Variants in GNAI2 observed in about 807,000 individuals in gnomAD.
GNAI2 encodes the protein G protein subunit alpha i2.
In GNAI2, 4 loss-of-function variants were observed where a neutral mutation model predicts 36.8. The observed-to-expected ratio is 0.11, with a 90% CI of 0.05 to 0.25. The LOEUF is 0.25. Among genes scored for constraint, GNAI2 ranks in the 10% least tolerant of loss-of-function variants. The probability of loss-of-function intolerance (pLI) is 1.00; values close to 1 mark genes in which losing one functional copy is unlikely to be tolerated. For missense variants in GNAI2, 230 were observed against 481.3 expected, an observed-to-expected ratio of 0.48 and a Z score of 4.89; for synonymous variants, 194 against 194.1, an observed-to-expected ratio of 1.00 and a Z score of 0.01.
chr3:50,248,560 C>T (rs1553702018), intron 1 of GNAI2, among the ~76,000 whole-genome samples: 1 of 152,144 alleles, frequency 6.6e-6, no homozygotes, highest in East Asian at 1.9e-4. Context: ...TGGGCTGTGC[C>T]CCTGCCTCTG....
chr3:50,251,667 C>T (rs1553702477), intron 1 of GNAI2: 1 of 1,342,248 alleles, frequency 7.5e-7, no homozygotes, highest in East Asian at 4.6e-5. Flanking sequence ...GGCTGCTACC[C>T]TGTTGGATGG....
chr3:50,257,452 G>A, intron 7 of GNAI2, 48 bp from the exon 8 acceptor site: 1 of 1,352,284 alleles, frequency 7.4e-7, no homozygotes, highest in Non-Finnish European at 1.0e-6. Context: ...GTAGGATGCG[G>A]CCTGCCTGCC....
In GNAI2 at chr3:50,241,365, G is replaced by A. The variant is rs148098406; in HGVS notation, c.118+4912G>A. On this transcript the variant is annotated intron_variant, in intron 1 of 8. Transcript: ENST00000313601. The surrounding 1 kb of genome is among the most constrained non-coding windows in gnomAD (Gnocchi z 5.0). The stretch of plus-strand genomic sequence containing the variant: ...TGTCGGGGCTTTGTCTGCAGGAGCA[G>A]GCAGGGATAGAGCTCCCACACTAAG... 1.3e-5 allele frequency among the ~76,000 whole-genome samples: 2 copies of A among 152,352 alleles called. No individual in the cohort carries two copies. The highest frequency in any genetic ancestry group is 2.9e-5 in the Non-Finnish European group (2 of 68,018).
At chr3:50,250,069 A>T (rs1700518325) in intron 1 of GNAI2, among the ~76,000 whole-genome samples, 1 of 152,158 alleles carries the variant, frequency 6.6e-6, no homozygotes, top group South Asian at 2.1e-4. Context: ...CTCCCTGCAG[A>T]GGGGACTCTA....
chr3:50,254,120 G>C (rs1347180702), intron 4 of GNAI2, among the ~76,000 whole-genome samples: 1 of 152,084 alleles, frequency 6.6e-6, no homozygotes, highest in Non-Finnish European at 1.5e-5. Context: ...GGGGTCCCAG[G>C]AATCCCAGAG....
At chr3:50,227,118 C>A (rs1307955300), upstream of GNAI2, 3 of 1,377,476 alleles carry the variant, frequency 2.2e-6, no homozygotes, top group South Asian at 1.6e-5. The surrounding 1 kb of genome is among the most constrained non-coding windows in gnomAD (Gnocchi z 5.9). Flanking sequence ...AAGGAGGGAG[C>A]GTCTCATGAC....
At chr3:50,249,888 C>A (rs1486915499) in intron 1 of GNAI2, among the ~76,000 whole-genome samples, 1 of 152,210 alleles carries the variant, frequency 6.6e-6, no homozygotes, top group South Asian at 2.1e-4. Flanking sequence ...CTTGGCAAGG[C>A]CTGCCACCAT....
chr3:50,250,706 G>GC (rs1322942838), intron 1 of GNAI2, among the ~76,000 whole-genome samples: 2 of 152,074 alleles, frequency 1.3e-5, no homozygotes, highest in Non-Finnish European at 2.9e-5. Flanking sequence ...GAGTTGGGTG[G>GC]CCCCCCTGGT....
chr3:50,252,211 G>A lies in GNAI2; in HGVS notation c.161+69G>A. 1 of 1,490,872 alleles carries A rather than the reference G, an allele frequency of 6.7e-7. No individual in the cohort carries two copies. The highest frequency in any genetic ancestry group is 9.3e-7 in the Non-Finnish European group (1 of 1,076,090). The allele number at this position is 1,490,872 out of a possible 1,614,324, so 92.4% of individuals were successfully genotyped here. A position where few individuals can be genotyped will look rare whatever the true frequency, so the allele number is the denominator to read the frequency against. On this transcript the variant is annotated intron_variant, in intron 2 of 8. Transcript: ENST00000313601. This position sits in a 1 kb window ranked among gnomAD's most constrained non-coding sequence, Gnocchi z 4.1. Reference sequence around the variant, plus strand: ...CCTCTTCACCCTCTGGGCCTGCACTGCCCCCGACTACAGGCCCAGCCAGTC... The same window carrying A: ...CCTCTTCACCCTCTGGGCCTGCACTACCCCCGACTACAGGCCCAGCCAGTC...
upstream of GNAI2, among the ~76,000 whole-genome samples, chr3:50,231,342 G>A (rs146088775): frequency 4.6e-5 from 7 of 152,324 alleles, no homozygotes; most frequent in Non-Finnish European, 1.0e-4. Flanking sequence ...GCAATGGTGC[G>A]ATCTCAGCTC....
At chr3:50,251,879 G>A in intron 1 of GNAI2, 1 of 1,065,428 alleles carries the variant, frequency 9.4e-7, no homozygotes, top group Admixed American at 3.0e-5. Context: ...CAGAGAGTCT[G>A]CCATGGGGCA....
Position 50,230,866 on chromosome 3 carries a change from A to G in GNAI2, c.-171A>G, listed in dbSNP as rs587660618. The G allele has an allele frequency of 1.1e-4, 110 of 985,500 alleles. 3 individuals are homozygous for G. In the South Asian group the frequency reaches 3.0e-3, roughly 27 times the overall value. The allele number at this position is 985,500 out of a possible 1,614,324, so 61.0% of individuals were successfully genotyped here. ...TAGGCAGCTGCCCTCTGCCCCCAAA[A>G]TGAACTCTCCTGAAAGGACTCCTGG... is the stretch of plus-strand genomic sequence containing the variant. On this transcript the variant is annotated 5_prime_UTR_variant, in exon 1 of 9. Transcript: ENST00000266027.
intron 4 of GNAI2, 144 bp from the exon 5 acceptor site, chr3:50,256,044 CAAAA>C (rs1170893603): frequency 0.027 from 3,790 of 140,296 alleles, no homozygotes; most frequent in South Asian, 0.034. Context: ...CACTCTGTCT[CAAAA>C]AAAAAAAAAA....
At chr3:50,234,226 C>T (rs948542557), upstream of GNAI2, among the ~76,000 whole-genome samples, 5 of 151,814 alleles carry the variant, frequency 3.3e-5, no homozygotes, top group East Asian at 7.7e-4. Context: ...GCCACCACGC[C>T]GGCTAATTTT....
upstream of GNAI2, among the ~76,000 whole-genome samples, chr3:50,228,127 G>A (rs1310291081): frequency 6.6e-6 from 1 of 152,224 alleles, no homozygotes; most frequent in Non-Finnish European, 1.5e-5. Context: ...TCTCCCCGGA[G>A]ACGGGACAGC....
chr3:50,233,769 T>C (rs954972334), upstream of GNAI2, among the ~76,000 whole-genome samples: 3 of 152,090 alleles, frequency 2.0e-5, no homozygotes, highest in Non-Finnish European at 4.4e-5. Flanking sequence ...GAGGGAGTCA[T>C]TGGAGGACTT....
chr3:50,258,832 C>T lies in GNAI2; in HGVS notation c.*489C>T. 1 of 425,932 alleles carries T rather than the reference C, an allele frequency of 2.3e-6. No homozygotes were observed. Among genetic ancestry groups the T allele is most frequent in the Non-Finnish European group, 4.6e-6 (1 of 219,384 alleles). 26.4% of individuals were successfully genotyped at this position (425,932 alleles called of 1,614,324 possible). On this transcript the variant is annotated 3_prime_UTR_variant, in exon 9 of 9. Coordinates refer to ENST00000313601, the MANE Select transcript of GNAI2 (RefSeq NM_002070.4). ...AAAAAGCACAAGAAGCGTGAGACGC[C>T]ACCATTCCTGGAAACCACAGTCCAC...
At position 50,258,879 on chromosome 3, in the gene GNAI2, T is replaced by TA. The variant is rs2109224536; in HGVS notation, c.*543dup. On this transcript the variant is annotated 3_prime_UTR_variant, in exon 9 of 9. Coordinates refer to ENST00000313601, the MANE Select transcript of GNAI2 (RefSeq NM_002070.4). ...CCACCTGCTCATTCTCGTAGCTTTT[T>TA]AAAAAAATGAAAGTAAAGGAAAAAA... 4 of 438,486 alleles carry TA rather than the reference T, an allele frequency of 9.1e-6. No individual in the cohort carries two copies. Among genetic ancestry groups the TA allele is most frequent in the East Asian group, 7.3e-5 (1 of 13,750 alleles). 27.2% of individuals were successfully genotyped at this position (438,486 alleles called of 1,614,324 possible).
intron 1 of GNAI2, among the ~76,000 whole-genome samples, chr3:50,246,103 G>C (rs587701313): frequency 3.3e-5 from 5 of 152,240 alleles, no homozygotes; most frequent in Non-Finnish European, 5.9e-5. Flanking sequence ...GGGGGGCCGG[G>C]GAGCAGCACC....
Sources: gnomAD v4.1 joint callset for allele counts (sites outside exome capture counted in the v4.1 genomes callset) on GRCh38, gnomAD v4.1.1 for gene constraint, Gnocchi (gnomAD v3.1) non-coding constraint, MANE v1.5 for transcripts, NCBI Gene and HGNC (gene_info 2026-07-23, HGNC 2026-07-21) for gene names.